Variants in CSMD1 observed in about 807,000 individuals in gnomAD.
CSMD1 encodes the protein CUB and sushi domain-containing protein 1.
CSMD1 carries 213 observed loss-of-function variants against 417.5 expected under a neutral mutation model. The ratio of observed to expected loss-of-function variants is 0.51; its 90% confidence interval spans 0.46 to 0.57. CSMD1 has a LOEUF of 0.57. CSMD1 is among the 20% of genes least tolerant of loss of function. The probability of loss-of-function intolerance (pLI) is 0.00; values close to 1 mark genes in which losing one functional copy is unlikely to be tolerated. For synonymous variants in CSMD1, 2,862 were observed against 1,736.8 expected (o/e 1.65, Z -16.11); for missense variants, 6,923 against 4,529.7 (o/e 1.53, Z -15.17).
At position 4,003,189 on chromosome 8, in the gene CSMD1, C is replaced by T. The variant is rs764611413; in HGVS notation, c.611-5079G>A. On this transcript the variant is annotated intron_variant, in intron 4 of 69. Transcript: ENST00000635120. ...AGGGTGGATCACGAGGTCAGGAGAT[C>T]GAGACCATCCTGGCTAACATGGTGA... Among the ~76,000 whole-genome samples the T allele has an allele frequency of 2.6e-5, 4 of 152,072 alleles. No homozygotes were observed. The South Asian group carries it at 8.3e-4, about 32-fold the overall frequency.
At chr8:3,803,782 G>T (rs1337206769) in intron 5 of CSMD1, among the ~76,000 whole-genome samples, 1 of 152,150 alleles carries the variant, frequency 6.6e-6, no homozygotes, top group Non-Finnish European at 1.5e-5. Flanking sequence ...GTAACATTTG[G>T]AAAATATCTT....
intron 7 of CSMD1, among the ~76,000 whole-genome samples, chr8:3,695,828 G>C (rs1034067021): frequency 6.6e-6 from 1 of 152,098 alleles, no homozygotes; most frequent in African/African-American, 2.4e-5. Context: ...ACTTAAAATA[G>C]CATTATTTGT....
intron 3 of CSMD1, among the ~76,000 whole-genome samples, chr8:4,126,423 C>G (rs931083647): frequency 3.3e-5 from 5 of 152,156 alleles, no homozygotes; most frequent in Admixed American, 2.0e-4. Context: ...GGACAGCACC[C>G]TAGCGAAGAC....
intron 52 of CSMD1, among the ~76,000 whole-genome samples, chr8:3,005,676 G>T (rs1285852635): frequency 6.6e-6 from 1 of 152,134 alleles, no homozygotes; most frequent in African/African-American, 2.4e-5. Flanking sequence ...AAAACCACAT[G>T]ATTATCTCGA....
chr8:4,033,899 G>A (rs1255264255), intron 3 of CSMD1, among the ~76,000 whole-genome samples: 1 of 152,060 alleles, frequency 6.6e-6, no homozygotes, highest in South Asian at 2.1e-4. Flanking sequence ...CATCATTGTT[G>A]GCTATTGTAT....
At chr8:3,891,807 T>C (rs2129127655) in intron 5 of CSMD1, among the ~76,000 whole-genome samples, 1 of 152,254 alleles carries the variant, frequency 6.6e-6, no homozygotes, top group African/African-American at 2.4e-5. Context: ...CATCAATTAT[T>C]TCTACAAGCC....
At chr8:3,664,318 A>T (rs751854611) in intron 7 of CSMD1, among the ~76,000 whole-genome samples, 3 of 152,160 alleles carry the variant, frequency 2.0e-5, no homozygotes, top group Non-Finnish European at 4.4e-5. Context: ...TTTGCTCAGA[A>T]TGATGTTTTC....
At chr8:4,319,781 G>A (rs1182944045) in intron 3 of CSMD1, among the ~76,000 whole-genome samples, 3 of 152,092 alleles carry the variant, frequency 2.0e-5, no homozygotes, top group Non-Finnish European at 4.4e-5. Flanking sequence ...CAAAATACCA[G>A]AGAGAGAAGA....
chr8:3,040,441 AATGATTAC>A (rs1462502730), intron 50 of CSMD1, among the ~76,000 whole-genome samples: 112 of 147,892 alleles, frequency 7.6e-4, no homozygotes, highest in African/African-American at 2.5e-3. Flanking sequence ...GTATATACAA[AATGATTAC>A]AAATTGAAAT....
chr8:4,254,328 G>C lies in CSMD1; in HGVS notation c.415+165625C>G, dbSNP rs146207965. On this transcript the variant is annotated intron_variant, in intron 3 of 69. Coordinates refer to ENST00000635120, the MANE Select transcript of CSMD1 (RefSeq NM_033225.6). ...AGGAATTCGATTATTGATAACATTC[G>C]TTCTATGGAGAGTCTGCTTGTATAG... Among the ~76,000 whole-genome samples, 488 of 152,176 alleles carry C rather than the reference G, an allele frequency of 3.2e-3. 1 individual carries two copies. The highest frequency in any genetic ancestry group is 0.011 in the African/African-American group (461 of 41,514).
At chr8:3,860,204 A>C (rs927649484) in intron 5 of CSMD1, among the ~76,000 whole-genome samples, 1 of 152,312 alleles carries the variant, frequency 6.6e-6, no homozygotes, top group East Asian at 1.9e-4. Flanking sequence ...ATATGAAAGT[A>C]GGAACAGCAC....
intron 4 of CSMD1, among the ~76,000 whole-genome samples, chr8:4,009,750 T>G (rs1041663792): frequency 6.6e-6 from 1 of 152,008 alleles, no homozygotes; most frequent in African/African-American, 2.4e-5. Context: ...CGCTCACTCC[T>G]CCAGGAGCCA....
At chr8:3,974,514 ATCTT>A (rs1261291018) in intron 5 of CSMD1, among the ~76,000 whole-genome samples, 1 of 152,060 alleles carries the variant, frequency 6.6e-6, no homozygotes, top group Non-Finnish European at 1.5e-5. Flanking sequence ...TAAAAATAAA[ATCTT>A]TCATAGTAGT....
chr8:4,807,368 C>T (rs931392879), intron 1 of CSMD1, among the ~76,000 whole-genome samples: 10 of 152,168 alleles, frequency 6.6e-5, no homozygotes, highest in Admixed American at 5.2e-4. Flanking sequence ...CAGTACTCTC[C>T]TGAGCTTCCC....
In CSMD1 at chr8:3,142,694, C is replaced by G; in HGVS notation, c.6032-20G>C. The G allele has an allele frequency of 1.9e-6, 3 of 1,574,324 alleles. No individual in the cohort carries two copies. Among genetic ancestry groups the G allele is most frequent in the Non-Finnish European group, 1.7e-6 (2 of 1,144,054 alleles). On this transcript the variant is annotated intron_variant, in intron 40 of 69. Transcript: ENST00000635120. The stretch of plus-strand genomic sequence containing the variant: ...GTGCACCTATGGAAAAACATGCAAA[C>G]TTAATGAAAGTTCATATCAAAATGT...
rs557253462 is a variant in CSMD1, at chr8:3,534,656, G to A, written c.1344+40289C>T. Among the ~76,000 whole-genome samples, 51 of 152,234 alleles carry A rather than the reference G, an allele frequency of 3.4e-4. No homozygotes were observed. In the South Asian group the frequency reaches 9.6e-3, roughly 29 times the overall value. ...GTATCTTGGGAATGCCATTTCCATA[G>A]CCAAACAATTTTAGAAAACCATTGT... is the stretch of plus-strand genomic sequence containing the variant. On this transcript the variant is annotated intron_variant, in intron 10 of 69. Transcript: ENST00000635120.
In CSMD1 at chr8:4,707,069, G is replaced by A. The variant is rs1030170552; in HGVS notation, c.86-69511C>T. 2.6e-5 allele frequency among the ~76,000 whole-genome samples: 4 copies of A among 152,164 alleles called. No homozygotes were observed. The South Asian group carries it at 8.3e-4, about 32-fold the overall frequency. ...CTTAAGGTGATCAGATCTGAGATTA[G>A]GAAAGATCACCCTGGCAGCTGTGTG... On this transcript the variant is annotated intron_variant, in intron 1 of 69. Transcript: ENST00000635120.
intron 2 of CSMD1, among the ~76,000 whole-genome samples, chr8:4,439,334 T>G (rs764996831): frequency 4.7e-4 from 71 of 152,276 alleles, no homozygotes; most frequent in Admixed American, 8.5e-4. Context: ...TAAATATAAT[T>G]ATTCAAAATT....
intron 3 of CSMD1, among the ~76,000 whole-genome samples, chr8:4,308,159 C>A (rs193269780): frequency 1.3e-5 from 2 of 152,120 alleles, no homozygotes; most frequent in South Asian, 2.1e-4. Flanking sequence ...AGCGTTTCTT[C>A]GAATGTTCCT....
Sources: gnomAD v4.1 joint callset for allele counts (sites outside exome capture counted in the v4.1 genomes callset) on GRCh38, gnomAD v4.1.1 for gene constraint, MANE v1.5 for transcripts, NCBI Gene and HGNC (gene_info 2026-07-23, HGNC 2026-07-21) for gene names.